Variants in PIK3CB observed in about 807,000 individuals in gnomAD.
PIK3CB encodes phosphatidylinositol-4,5-bisphosphate 3-kinase catalytic subunit beta.
Under a neutral mutation model 136.8 loss-of-function variants are expected in PIK3CB, and 39 were observed. The ratio of observed to expected loss-of-function variants is 0.29; its 90% confidence interval spans 0.22 to 0.37. PIK3CB has a LOEUF of 0.37. Among genes scored for constraint, PIK3CB ranks in the 10% least tolerant of loss-of-function variants. The pLI, the probability that PIK3CB is intolerant of heterozygous loss-of-function variation, is 1.00. For missense variants in PIK3CB, 868 were observed against 1,275.4 expected, an observed-to-expected ratio of 0.68 and a Z score of 4.87; for synonymous variants, 428 against 436.6, an observed-to-expected ratio of 0.98 and a Z score of 0.25.
intron 21 of PIK3CB, among the ~76,000 whole-genome samples, chr3:138,661,147 T>C (rs1246684134): frequency 6.6e-6 from 1 of 152,226 alleles, no homozygotes; most frequent in East Asian, 1.9e-4. Context: ...ATCTCCATTT[T>C]TAATATGGGA....
intron 19 of PIK3CB, among the ~76,000 whole-genome samples, chr3:138,666,971 G>A (rs149859926): frequency 4.3e-4 from 66 of 152,248 alleles, no homozygotes; most frequent in Middle Eastern, 3.4e-3. Context: ...GGAGACCAAC[G>A]TGGGTGGATC....
rs75433810 is a variant in PIK3CB at position 138,672,201 on chromosome 3, A to G, written c.2505-6998T>C. ...AGGTCTGGGAGGACTGGAACTCGAA[A>G]TATCTTTTCATTGATCAGATGATGT... On this transcript the variant is annotated intron_variant, in intron 19 of 23. Coordinates refer to ENST00000674063, the MANE Select transcript of PIK3CB (RefSeq NM_006219.3). Among the ~76,000 whole-genome samples, 75 of 152,244 alleles carry G rather than the reference A, an allele frequency of 4.9e-4. No homozygotes were observed. In the East Asian group the frequency reaches 0.011, roughly 23 times the overall value.
chr3:138,744,705 G>C (rs892326185), intron 4 of PIK3CB, among the ~76,000 whole-genome samples: 2 of 152,024 alleles, frequency 1.3e-5, no homozygotes, highest in Non-Finnish European at 2.9e-5. Flanking sequence ...TCATAGAAGG[G>C]GCCATATTAT....
chr3:138,732,599 G>A (rs2045007083), intron 8 of PIK3CB, among the ~76,000 whole-genome samples: 1 of 151,466 alleles, frequency 6.6e-6, no homozygotes, highest in African/African-American at 2.4e-5. Context: ...TTATTTAAAT[G>A]TATGGGATTG....
chr3:138,695,298 G>A (rs1290282514), intron 13 of PIK3CB, among the ~76,000 whole-genome samples: 4 of 152,144 alleles, frequency 2.6e-5, no homozygotes, highest in Non-Finnish European at 1.5e-5. Flanking sequence ...TATATGATAT[G>A]TATGCAAGAT....
intron 2 of PIK3CB, among the ~76,000 whole-genome samples, chr3:138,788,656 CAAAAAAAAAAA>C (rs71146142): frequency 2.7e-5 from 1 of 37,726 alleles, no homozygotes; most frequent in African/African-American, 1.2e-4. Flanking sequence ...GACTTTGTCT[CAAAAAAAAAAA>C]AAAAAAAAAA....
In PIK3CB at chr3:138,711,931, G is replaced by A. The variant is rs544449145; in HGVS notation, c.1399+277C>T. Among the ~76,000 whole-genome samples, 673 of 151,692 alleles carry A rather than the reference G, an allele frequency of 4.4e-3. 7 individuals carry two copies. Among genetic ancestry groups the A allele is most frequent in the African/African-American group, 0.014 (593 of 41,432 alleles). On this transcript the variant is annotated intron_variant, in intron 10 of 23. Transcript: ENST00000674063. ...TTGAGACCAGCCTTGGCAGTATAGC[G>A]AGACCTTGTCTCGACAAAATAAAAA...
chr3:138,703,237 A>G (rs1039654428), intron 12 of PIK3CB, among the ~76,000 whole-genome samples: 2 of 152,232 alleles, frequency 1.3e-5, no homozygotes, highest in African/African-American at 4.8e-5. Flanking sequence ...GCAGTAGCAG[A>G]TGACTCACAC....
chr3:138,720,368 T>C (rs2044701296), intron 8 of PIK3CB, among the ~76,000 whole-genome samples: 1 of 152,186 alleles, frequency 6.6e-6, no homozygotes, highest in Admixed American at 6.5e-5. Flanking sequence ...CTAAGACCTC[T>C]ATTTCAACAA....
intron 2 of PIK3CB, among the ~76,000 whole-genome samples, chr3:138,788,964 C>CAAAAAAAAAAAAAAAAAAA (rs57432821): frequency 5.6e-5 from 5 of 89,482 alleles, no homozygotes; most frequent in African/African-American, 2.3e-4. Context: ...GACTTCGTCT[C>CAAAAAAAAAAAAAAAAAAA]AAAAAAAAAA....
At chr3:138,713,400 C>T (rs1009612469) in intron 9 of PIK3CB, among the ~76,000 whole-genome samples, 6 of 151,106 alleles carry the variant, frequency 4.0e-5, no homozygotes, top group South Asian at 2.1e-4. Context: ...CGGCCAGGCA[C>T]GGTGGCCACG....
At chr3:138,750,980 A>T (rs368557749) in intron 4 of PIK3CB, among the ~76,000 whole-genome samples, 81 of 152,256 alleles carry the variant, frequency 5.3e-4, no homozygotes, top group African/African-American at 1.9e-3. Context: ...TGCAATCACT[A>T]ATGTTTTGGT....
At chr3:138,763,530 T>C (rs1461635664) in intron 2 of PIK3CB, among the ~76,000 whole-genome samples, 1 of 152,180 alleles carries the variant, frequency 6.6e-6, no homozygotes, top group Non-Finnish European at 1.5e-5. Flanking sequence ...CGTCCCTAGT[T>C]TCTTCAACAC....
At chr3:138,656,378 G>A in intron 22 of PIK3CB, 104 bp from the exon 23 acceptor site, 1 of 1,226,854 alleles carries the variant, frequency 8.2e-7, no homozygotes, top group Non-Finnish European at 1.1e-6. Flanking sequence ...ATTAGAATAA[G>A]AAAATTCCTA....
At chr3:138,740,252 A>G (rs768631472) in intron 5 of PIK3CB, among the ~76,000 whole-genome samples, 1 of 152,148 alleles carries the variant, frequency 6.6e-6, no homozygotes, top group Non-Finnish European at 1.5e-5. Flanking sequence ...CCAGCTACTC[A>G]GGAAGCTGAG....
chr3:138,755,688 C>T (rs986462903), intron 4 of PIK3CB, 66 bp downstream of exon 4: 6 of 726,786 alleles, frequency 8.3e-6, no homozygotes, highest in Non-Finnish European at 1.1e-5. Flanking sequence ...CTTAAATATA[C>T]TTACTATATG....
At chr3:138,732,218 T>C (rs1203734016) in intron 8 of PIK3CB, among the ~76,000 whole-genome samples, 1 of 152,130 alleles carries the variant, frequency 6.6e-6, no homozygotes, top group African/African-American at 2.4e-5. Flanking sequence ...TCCTAGCAAA[T>C]TTCCTGTATA....
At chr3:138,731,349 C>T (rs931868464) in intron 8 of PIK3CB, among the ~76,000 whole-genome samples, 1 of 152,014 alleles carries the variant, frequency 6.6e-6, no homozygotes, top group Non-Finnish European at 1.5e-5. Flanking sequence ...ACCTCCCAGG[C>T]TCCAGCGATC....
chr3:138,695,810 A>C (rs2044124215), intron 13 of PIK3CB, among the ~76,000 whole-genome samples: 1 of 152,012 alleles, frequency 6.6e-6, no homozygotes, highest in Admixed American at 6.6e-5. Flanking sequence ...ACAATAGTGC[A>C]ATCTTGGCTC....
Sources: gnomAD v4.1 joint callset for allele counts (sites outside exome capture counted in the v4.1 genomes callset) on GRCh38, gnomAD v4.1.1 for gene constraint, MANE v1.5 for transcripts, NCBI Gene and HGNC (gene_info 2026-07-23, HGNC 2026-07-21) for gene names.